The following IMMP1L variants were observed in gnomAD, a reference collection of about 807,000 sequenced individuals.
IMMP1L encodes the protein mitochondrial inner membrane protease subunit 1.
In IMMP1L, 24 loss-of-function variants were observed where a neutral mutation model predicts 21.8. The ratio of observed to expected loss-of-function variants is 1.10; its 90% CI spans 0.80 to 1.55. The LOEUF is 1.55. IMMP1L is among the 40% of genes most tolerant of loss of function. The pLI is 0.00. For synonymous variants in IMMP1L, 46 were observed against 62.8 expected, an observed-to-expected ratio of 0.73 and a Z score of 1.26; for missense variants, 195 against 200.7, an observed-to-expected ratio of 0.97 and a Z score of 0.17.
At chr11:31,436,369 T>G (rs146871165) in intron 4 of IMMP1L, among the ~76,000 whole-genome samples, 2 of 152,350 alleles carry the variant, frequency 1.3e-5, no homozygotes, top group East Asian at 3.9e-4. Context: ...TAACTGCCAT[T>G]AGCTAGGTCA....
intron 4 of IMMP1L, among the ~76,000 whole-genome samples, chr11:31,436,609 T>A (rs574639219): frequency 6.6e-6 from 1 of 152,110 alleles, no homozygotes; most frequent in South Asian, 2.1e-4. Flanking sequence ...ATTTTTCTAT[T>A]TCAGTAGAGA....
chr11:31,485,012 T>C (rs1394253929), intron 1 of IMMP1L, among the ~76,000 whole-genome samples: 1 of 151,896 alleles, frequency 6.6e-6, no homozygotes, highest in African/African-American at 2.4e-5. Context: ...TAATATCTCC[T>C]GTGCTCCAAA....
intron 1 of IMMP1L, among the ~76,000 whole-genome samples, chr11:31,496,783 T>A (rs1425051584): frequency 6.7e-6 from 1 of 148,306 alleles, no homozygotes; most frequent in African/African-American, 2.5e-5. Context: ...GATAATCATA[T>A]ATTATAATAG....
intron 3 of IMMP1L, among the ~76,000 whole-genome samples, chr11:31,457,056 A>G (rs1953972240): frequency 6.6e-6 from 1 of 151,960 alleles, no homozygotes; most frequent in Non-Finnish European, 1.5e-5. Context: ...AGAGCACACT[A>G]AAAAGGTAAA....
chr11:31,478,172 T>C (rs545180283), intron 1 of IMMP1L, among the ~76,000 whole-genome samples: 2 of 152,210 alleles, frequency 1.3e-5, no homozygotes, highest in Non-Finnish European at 2.9e-5. Context: ...ACTATCCATA[T>C]GCAGCCGCCT....
chr11:31,466,933 A>G (rs1202852118), intron 1 of IMMP1L, among the ~76,000 whole-genome samples: 1 of 152,172 alleles, frequency 6.6e-6, no homozygotes, highest in Non-Finnish European at 1.5e-5. Context: ...ACATAAAGAA[A>G]TGATGTGTTT....
chr11:31,478,284 C>T (rs1334388408), intron 1 of IMMP1L, among the ~76,000 whole-genome samples: 4 of 152,280 alleles, frequency 2.6e-5, no homozygotes, highest in Non-Finnish European at 5.9e-5. Context: ...ATTAGTTGGC[C>T]ATTTCCAGAT....
intron 1 of IMMP1L, among the ~76,000 whole-genome samples, chr11:31,491,050 G>A (rs979065767): frequency 7.2e-5 from 11 of 152,130 alleles, no homozygotes; most frequent in African/African-American, 2.2e-4. Flanking sequence ...ACTTGACTTC[G>A]TATTTTTGAC....
At chr11:31,479,161 G>T (rs146066976) in intron 1 of IMMP1L, among the ~76,000 whole-genome samples, 136 of 152,080 alleles carry the variant, frequency 8.9e-4, no homozygotes, top group African/African-American at 3.2e-3. Context: ...TAAGATTTGC[G>T]ATGGAATTCT....
At chr11:31,471,205 C>A (rs1320937783) in intron 1 of IMMP1L, among the ~76,000 whole-genome samples, 1 of 152,108 alleles carries the variant, frequency 6.6e-6, no homozygotes, top group Non-Finnish European at 1.5e-5. Context: ...ACATATGTAT[C>A]AAAATCATAC....
rs189346089 is a variant in IMMP1L, at chr11:31,500,996, A to C, written c.-30+8523T>G. 3.6e-3 allele frequency among the ~76,000 whole-genome samples: 543 copies of C among 152,358 alleles called. 1 individual carries two copies. The highest frequency in any genetic ancestry group is 6.8e-3 in the Middle Eastern group (2 of 294). ...ACAAACTAGCCACATGCAGCTGTTT[A>C]AATAAATAACTTAAAATAACTAAAA... is the stretch of plus-strand genomic sequence containing the variant. On this transcript the variant is annotated intron_variant, in intron 1 of 5. Transcript: ENST00000532287.
chr11:31,507,281 G>GA (rs112201179), intron 1 of IMMP1L, among the ~76,000 whole-genome samples: 13,132 of 146,248 alleles, frequency 0.09, 1,575 homozygotes, highest in African/African-American at 0.27. Flanking sequence ...CTCCGTCTCA[G>GA]AAAAAAAAAA....
chr11:31,478,006 T>TA (rs1393787814), intron 1 of IMMP1L, among the ~76,000 whole-genome samples: 2 of 152,196 alleles, frequency 1.3e-5, no homozygotes, highest in African/African-American at 4.8e-5. Flanking sequence ...GAATACCCTT[T>TA]AAATCCCAGC....
chr11:31,477,460 A>G (rs929178384), intron 1 of IMMP1L: 1 of 706,096 alleles, frequency 1.4e-6, no homozygotes, highest in Admixed American at 6.3e-5. Context: ...ATAAGGTTAC[A>G]TATTATAAAT....
intron 1 of IMMP1L, among the ~76,000 whole-genome samples, chr11:31,504,959 C>T (rs990040219): frequency 6.6e-6 from 1 of 152,118 alleles, no homozygotes; most frequent in Admixed American, 6.5e-5. Context: ...AAGGAATTAC[C>T]GGAGGTTGAG....
chr11:31,473,922 C>G, intron 1 of IMMP1L: 1 of 176,942 alleles, frequency 5.7e-6, no homozygotes, highest in Non-Finnish European at 1.1e-5. Flanking sequence ...TTCATTCATT[C>G]TAAAGTATAA....
chr11:31,439,558 T>G (rs1362224424), intron 4 of IMMP1L, among the ~76,000 whole-genome samples: 1 of 152,224 alleles, frequency 6.6e-6, no homozygotes, highest in Non-Finnish European at 1.5e-5. Flanking sequence ...GATTTACTTT[T>G]GATTATGTGT....
At chr11:31,460,481 T>C (rs1354900051) in intron 3 of IMMP1L, 145 bp downstream of exon 3, 3 of 578,056 alleles carry the variant, frequency 5.2e-6, no homozygotes, top group Non-Finnish European at 9.4e-6. Context: ...AAAGAGAATA[T>C]TTGACTCAAA....
rs562125204 is a variant in IMMP1L at position 31,493,783 on chromosome 11, CA to C, written c.-30+15735del. Among the ~76,000 whole-genome samples the C allele has an allele frequency of 3.9e-5, 6 of 152,296 alleles. No homozygotes were observed. In the South Asian group the frequency reaches 1.2e-3, roughly 32 times the overall value. On this transcript the variant is annotated intron_variant, in intron 1 of 5. Coordinates refer to ENST00000532287, the MANE Select transcript of IMMP1L (RefSeq NM_001304274.2). ...TCCAAATGGTAGAAATTGGCCAAAA[CA>C]AAGGGGCTGTGGGCCCCATACAAGT... is the stretch of plus-strand genomic sequence containing the variant.
Sources: allele counts gnomAD v4.1 joint callset (sites outside exome capture counted in the v4.1 genomes callset), GRCh38; gene constraint gnomAD v4.1.1; transcripts MANE v1.5; gene names NCBI Gene and HGNC (gene_info 2026-07-23, HGNC 2026-07-21).